The following EXOC1 variants were observed in gnomAD, a reference collection of about 807,000 sequenced individuals.
The protein encoded by EXOC1 is SEC3-like 1.
In EXOC1, 67 loss-of-function variants were observed where a neutral mutation model predicts 107.7. That is an observed-to-expected ratio of 0.62 (90% CI 0.51 to 0.76). The LOEUF (loss-of-function observed/expected upper bound fraction) is 0.76, where lower values mean the gene tolerates loss of function less well. EXOC1 is among the 30% of genes least tolerant of loss of function. The probability of loss-of-function intolerance (pLI) is 0.00; values close to 1 mark genes in which losing one functional copy is unlikely to be tolerated. For missense variants in EXOC1, 833 were observed against 1,055.7 expected (o/e 0.79, Z 2.92); for synonymous variants, 348 against 353.5 (o/e 0.98, Z 0.17).
At chr4:55,863,276 A>G (rs1357714671) in intron 3 of EXOC1, among the ~76,000 whole-genome samples, 2 of 152,108 alleles carry the variant, frequency 1.3e-5, no homozygotes, top group African/African-American at 4.8e-5. Context: ...TATTGCTATA[A>G]TGTGGCTTAA....
At chr4:55,879,525 T>G (rs1723196698) in intron 9 of EXOC1, among the ~76,000 whole-genome samples, 1 of 152,168 alleles carries the variant, frequency 6.6e-6, no homozygotes, top group Non-Finnish European at 1.5e-5. Flanking sequence ...TGTCTTTTAC[T>G]GTGCATGACA....
intron 13 of EXOC1, among the ~76,000 whole-genome samples, chr4:55,891,986 T>G (rs1724611970): frequency 6.6e-6 from 1 of 152,150 alleles, no homozygotes; most frequent in Non-Finnish European, 1.5e-5. Context: ...TATAAGAGAA[T>G]AAGATGAGAG....
intron 10 of EXOC1, among the ~76,000 whole-genome samples, chr4:55,884,616 C>G (rs1723698015): frequency 6.6e-6 from 1 of 152,228 alleles, no homozygotes; most frequent in Non-Finnish European, 1.5e-5. Flanking sequence ...ACATTCTGCT[C>G]TTGCATGTAT....
intron 9 of EXOC1, chr4:55,882,641 ATATT>A (rs1723515487): frequency 6.6e-6 from 1 of 152,228 alleles, no homozygotes; most frequent in African/African-American, 2.4e-5. Context: ...GGATCTATAT[ATATT>A]ATGTTTGGTC....
Position 55,871,092 on chromosome 4 carries a change from A to G in EXOC1, c.832-9A>G, listed in dbSNP as rs759306304. The G allele has an allele frequency of 4.2e-5, 67 of 1,611,922 alleles. No homozygotes were observed. The East Asian group carries it at 1.5e-3, about 35-fold the overall frequency. ...ACACATGCAAATGGTGTGTTTGCAT[A>G]TATTCTAGAACCACATGGACTTGGC... On this transcript the variant is annotated splice_polypyrimidine_tract_variant and intron_variant, in intron 6 of 18. Transcript: ENST00000381295.
chr4:55,891,977 A>G (rs550908196), intron 13 of EXOC1, among the ~76,000 whole-genome samples: 9 of 152,322 alleles, frequency 5.9e-5, no homozygotes, highest in South Asian at 4.1e-4. Context: ...TAGCATACAT[A>G]TAAGAGAATA....
chr4:55,879,211 C>T (rs1723168322), intron 9 of EXOC1, among the ~76,000 whole-genome samples: 1 of 152,152 alleles, frequency 6.6e-6, no homozygotes, highest in African/African-American at 2.4e-5. Context: ...CAAATACTTG[C>T]CTTCTCAGAG....
intron 3 of EXOC1, 89 bp downstream of exon 3, chr4:55,860,630 CA>C (rs1721387474): frequency 3.5e-6 from 5 of 1,440,110 alleles, no homozygotes; most frequent in Non-Finnish European, 9.4e-7. Context: ...GATCTAAAAA[CA>C]AATTAATATA....
chr4:55,857,121 G>C (rs989899561), intron 1 of EXOC1, among the ~76,000 whole-genome samples: 3 of 141,900 alleles, frequency 2.1e-5, no homozygotes, highest in Non-Finnish European at 4.6e-5. Flanking sequence ...ATCTTTTCAA[G>C]ATTCATCAAT....
intron 1 of EXOC1, among the ~76,000 whole-genome samples, chr4:55,857,849 G>A (rs1721141724): frequency 1.3e-5 from 2 of 152,156 alleles, no homozygotes; most frequent in African/African-American, 4.8e-5. Flanking sequence ...GTGTAAAGTG[G>A]TTGATACCTC....
At chr4:55,869,106 C>T (rs1006195223) in intron 5 of EXOC1, among the ~76,000 whole-genome samples, 1 of 152,050 alleles carries the variant, frequency 6.6e-6, no homozygotes, top group Non-Finnish European at 1.5e-5. Flanking sequence ...TGGCTTACAC[C>T]TGTAATCTCA....
chr4:55,864,208 T>C lies in EXOC1; in HGVS notation c.256-19T>C. ...AGGATGTGATCAAAAATAATATCTT[T>C]TGTATATTTTTATTTTAGGAAAATC... On this transcript the variant is annotated intron_variant, in intron 3 of 18. Coordinates refer to ENST00000381295, the MANE Select transcript of EXOC1 (RefSeq NM_001024924.2). The C allele has an allele frequency of 7.1e-7, 1 of 1,415,920 alleles. No individual in the cohort carries two copies. Among genetic ancestry groups the C allele is most frequent in the Admixed American group, 2.1e-5 (1 of 48,064 alleles). The allele number at this position is 1,415,920 out of a possible 1,614,324, so 87.7% of individuals were successfully genotyped here.
At chr4:55,891,997 A>G (rs1577758333) in intron 13 of EXOC1, among the ~76,000 whole-genome samples, 1 of 152,176 alleles carries the variant, frequency 6.6e-6, no homozygotes, top group African/African-American at 2.4e-5. Flanking sequence ...AAGATGAGAG[A>G]GTTTCTTGAG....
chr4:55,863,810 A>G (rs575443644), intron 3 of EXOC1, among the ~76,000 whole-genome samples: 33 of 152,332 alleles, frequency 2.2e-4, no homozygotes, highest in African/African-American at 6.3e-4. Flanking sequence ...TTAGGGAGTT[A>G]GTGTCCAATT....
chr4:55,903,800 T>A (rs1189918036), intron 18 of EXOC1, among the ~76,000 whole-genome samples: 6 of 152,178 alleles, frequency 3.9e-5, no homozygotes, highest in Non-Finnish European at 5.9e-5. Context: ...CACTGTTAGA[T>A]TATAAATCAC....
At chr4:55,876,116 G>C (rs1311998897) in intron 8 of EXOC1, 1 of 984,816 alleles carries the variant, frequency 1.0e-6, no homozygotes, top group East Asian at 1.1e-4. Flanking sequence ...GGTAATGCCT[G>C]TGTATTTTAC....
At chr4:55,873,570 T>G (rs1179046865) in intron 8 of EXOC1, among the ~76,000 whole-genome samples, 3 of 152,196 alleles carry the variant, frequency 2.0e-5, no homozygotes, top group African/African-American at 7.2e-5. Flanking sequence ...TATTTATGAT[T>G]TTGCTTCTTG....
At chr4:55,867,846 A>T (rs1332128987) in intron 4 of EXOC1, among the ~76,000 whole-genome samples, 2 of 152,228 alleles carry the variant, frequency 1.3e-5, no homozygotes, top group Non-Finnish European at 2.9e-5. Flanking sequence ...TTAATTAAAA[A>T]GTATTTGGCA....
At chr4:55,890,110 A>G (rs963730966) in intron 11 of EXOC1, 113 bp from the exon 12 acceptor site, 31 of 985,612 alleles carry the variant, frequency 3.1e-5, no homozygotes, top group Non-Finnish European at 4.4e-5. Flanking sequence ...TGCACTAACT[A>G]ATATGAGCCC....
Sources: gnomAD v4.1 joint callset for allele counts (sites outside exome capture counted in the v4.1 genomes callset) on GRCh38, gnomAD v4.1.1 for gene constraint, MANE v1.5 for transcripts, NCBI Gene and HGNC (gene_info 2026-07-23, HGNC 2026-07-21) for gene names.